The following DHX33 variants were observed in gnomAD, a reference collection of about 807,000 sequenced individuals.
The protein encoded by DHX33 is ATP-dependent RNA helicase DHX33.
In DHX33, 42 loss-of-function variants were observed where a neutral mutation model predicts 72.5. That is an observed-to-expected ratio of 0.58 (90% confidence interval 0.45 to 0.75). The LOEUF (loss-of-function observed/expected upper bound fraction) is 0.75. Among genes scored for constraint, DHX33 ranks in the 30% least tolerant of loss-of-function variants. The probability of loss-of-function intolerance (pLI) is 0.00; values close to 1 mark genes in which losing one functional copy is unlikely to be tolerated. For missense variants in DHX33, 842 were observed against 917.5 expected (o/e 0.92, Z 1.06); for synonymous variants, 358 against 366.1 (o/e 0.98, Z 0.25).
chr17:5,455,928 T>A, intron 5 of DHX33, 69 bp downstream of exon 5: 1 of 1,510,728 alleles, frequency 6.6e-7, no homozygotes, highest in Non-Finnish European at 9.0e-7. Flanking sequence ...TGGTAACAGG[T>A]ACAGACCTCG....
rs143514102 is a variant in DHX33 at position 5,443,669 on chromosome 17, A to G, written c.*536T>C. On this transcript the variant is annotated 3_prime_UTR_variant, in exon 12 of 12. Transcript: ENST00000225296. ...CTATTTTAAAACTGCATTCAGAGAGACATTAAACAAGAACTAAGGGCAACA... is the reference window on the plus strand; with the variant it reads ...CTATTTTAAAACTGCATTCAGAGAGGCATTAAACAAGAACTAAGGGCAACA... 508 of 152,980 alleles carry G rather than the reference A, an allele frequency of 3.3e-3. 2 individuals are homozygous for G. The highest frequency in any genetic ancestry group is 4.1e-3 in the Non-Finnish European group (280 of 68,540). 9.5% of individuals were successfully genotyped at this position (152,980 alleles called of 1,614,324 possible). A position where few individuals can be genotyped will look rare whatever the true frequency, so the allele number is the denominator to read the frequency against.
At chr17:5,453,056 C>G (rs16954692) in intron 8 of DHX33, among the ~76,000 whole-genome samples, 21,826 of 152,152 alleles carry the variant, frequency 0.14, 2,816 homozygotes, top group East Asian at 0.65. Context: ...TACTAATGAA[C>G]AGGAGAGATG....
In DHX33 at chr17:5,450,244, G is replaced by A; in HGVS notation, c.1687C>T (p.Leu563Phe). The A allele has an allele frequency of 6.2e-7, 1 of 1,614,196 alleles. No individual in the cohort carries two copies. Among genetic ancestry groups the A allele is most frequent in the Non-Finnish European group, 8.5e-7 (1 of 1,180,026 alleles). The change falls in exon 10 of 12, where the codon CTC becomes TTC. Residue 563 changes from leucine (L) to phenylalanine (F), a missense_variant. Physicochemically the swap from Leu to Phe is conservative, Grantham distance 22. Coordinates refer to ENST00000225296, the MANE Select transcript of DHX33 (RefSeq NM_020162.4). ...TTTTTGAAGGTCCGATAGATATTGAGCAGGGTCATGTGATCCCCCTCGCTG... is the reference window on the plus strand; with the variant it reads ...TTTTTGAAGGTCCGATAGATATTGAACAGGGTCATGTGATCCCCCTCGCTG... ...ISSEGDHMTL[L>F]NIYRTFKNLG... is the part of the protein sequence containing the mutation.
chr17:5,455,377 G>A, intron 5 of DHX33, 106 bp from the exon 6 acceptor site: 9 of 899,378 alleles, frequency 1.0e-5, no homozygotes, highest in Non-Finnish European at 1.8e-6. Flanking sequence ...TTGACCAACA[G>A]AAGATGACTC....
At chr17:5,445,537 C>CT (rs1222874218) in intron 11 of DHX33, among the ~76,000 whole-genome samples, 2 of 152,254 alleles carry the variant, frequency 1.3e-5, no homozygotes, top group Non-Finnish European at 2.9e-5. Flanking sequence ...AGTCAATGTC[C>CT]TTGTTCTACT....
rs1916857342 is a variant in DHX33 at position 5,450,539 on chromosome 17, T to C, written c.1525-133A>G. ...AGGTATTTCTAAAACCATGGCGATG[T>C]ACATTAGTGTTATTTCACTCTTTAA... On this transcript the variant is annotated intron_variant, in intron 9 of 11. Transcript: ENST00000225296. 4.0e-6 allele frequency: 4 copies of C among 1,010,316 alleles called. No individual in the cohort carries two copies. The South Asian group carries it at 6.4e-5, about 16-fold the overall frequency. The allele number at this position is 1,010,316 out of a possible 1,614,324, so 62.6% of individuals were successfully genotyped here.
At chr17:5,460,207 G>T (rs1904520738) in intron 4 of DHX33, among the ~76,000 whole-genome samples, 1 of 151,704 alleles carries the variant, frequency 6.6e-6, no homozygotes, top group Non-Finnish European at 1.5e-5. Flanking sequence ...GTACAGACGA[G>T]GTTTCACCAT....
chr17:5,443,266 A>G lies in DHX33; in HGVS notation c.*939T>C, dbSNP rs1221273677. 2.2e-5 allele frequency: 3 copies of G among 136,282 alleles called. No individual in the cohort carries two copies. The allele number at this position is 136,282 out of a possible 1,614,324, so 8.4% of individuals were successfully genotyped here. On this transcript the variant is annotated 3_prime_UTR_variant, in exon 12 of 12. Coordinates refer to ENST00000225296, the MANE Select transcript of DHX33 (RefSeq NM_020162.4). ...CCCTCTGACCAGGGGACTGCCCGAA[A>G]AGAAACAGCTGAAATGGTACACAGT...
chr17:5,443,821 G>A lies in DHX33; in HGVS notation c.*384C>T, dbSNP rs1486221960. The A allele has an allele frequency of 1.9e-5, 3 of 159,890 alleles. No individual in the cohort carries two copies. Among genetic ancestry groups the A allele is most frequent in the Non-Finnish European group, 3.4e-5 (3 of 87,992 alleles). 9.9% of individuals were successfully genotyped at this position (159,890 alleles called of 1,614,324 possible). On this transcript the variant is annotated 3_prime_UTR_variant, in exon 12 of 12. Transcript: ENST00000225296. ...TCAGCCTAACGGCTCCCAACTCACT[G>A]TACGTGTGTCGTGCGTGCTCCAGGC...
intron 8 of DHX33, among the ~76,000 whole-genome samples, chr17:5,451,927 C>T (rs976736896): frequency 1.3e-5 from 2 of 152,048 alleles, no homozygotes; most frequent in Non-Finnish European, 2.9e-5. Flanking sequence ...GAATGAAAAC[C>T]GCTTACTCAA....
At position 5,443,561 on chromosome 17, in the gene DHX33, C is replaced by T. The variant is rs764074359; in HGVS notation, c.*644G>A. The stretch of plus-strand genomic sequence containing the variant: ...AGAGTGGTCCACCCTGAGACACAAG[C>T]GTTCAGTAGGGATCGCCATCCCAGG... On this transcript the variant is annotated 3_prime_UTR_variant, in exon 12 of 12. Coordinates refer to ENST00000225296, the MANE Select transcript of DHX33 (RefSeq NM_020162.4). The T allele has an allele frequency of 2.0e-5, 3 of 152,186 alleles. No homozygotes were observed. The highest frequency in any genetic ancestry group is 2.9e-5 in the Non-Finnish European group (2 of 68,142). The allele number at this position is 152,186 out of a possible 1,614,324, so 9.4% of individuals were successfully genotyped here.
Position 5,448,858 on chromosome 17 carries a change from A to G in DHX33, c.1766T>C (p.Met589Thr). 3.7e-6 allele frequency: 6 copies of G among 1,613,522 alleles called. No individual in the cohort carries two copies. Among genetic ancestry groups the G allele is most frequent in the Non-Finnish European group, 5.1e-6 (6 of 1,179,776 alleles). ...TGCTCTGACTTCTGCTACCAGCGTCATATTCTTGCTGTTGACAAAATTCTC... is the reference window on the plus strand; with the variant it reads ...TGCTCTGACTTCTGCTACCAGCGTCGTATTCTTGCTGTTGACAAAATTCTC... ...CKENFVNSKN[M>T]TLVAEVRAQL... Residue 589 changes from methionine (M) to threonine (T), a missense_variant, in exon 11 of 12, where the codon ATG becomes ACG. By Grantham distance (81) the Met-to-Thr change is moderately conservative. Transcript: ENST00000225296.
In DHX33 at chr17:5,461,092, A is replaced by G. The variant is rs778026884; in HGVS notation, c.696T>C (p.Ala232=). The G allele has an allele frequency of 6.2e-7, 1 of 1,609,456 alleles. No individual in the cohort carries two copies. Among genetic ancestry groups the G allele is most frequent in the South Asian group, 1.1e-5 (1 of 90,814 alleles). ...GAGAGAACAGGTCCACATCCATCGT[A>G]GCTGACATCACAATCACCTGCATAA... ...KLPLKVIVMS[A]TMDVDLFSQY... Residue 232 remains alanine (A), a synonymous_variant, in exon 4 of 12, where the codon GCT becomes GCC. Coordinates refer to ENST00000225296, the MANE Select transcript of DHX33 (RefSeq NM_020162.4).
At chr17:5,464,721 T>TA (rs1414419527) in intron 1 of DHX33, among the ~76,000 whole-genome samples, 1 of 152,186 alleles carries the variant, frequency 6.6e-6, no homozygotes, top group Non-Finnish European at 1.5e-5. Context: ...ATACAACCGT[T>TA]ACATAGATTT....
chr17:5,455,147 T>G lies in DHX33; in HGVS notation c.1147+13A>C, dbSNP rs1917131752. On this transcript the variant is annotated intron_variant, in intron 6 of 11. Transcript: ENST00000225296. Reference sequence around the variant, plus strand: ...AGACACAGGAGAGACATTCATGAACTACAAATTCTCACCAGGGTTATACTT... The same window carrying G: ...AGACACAGGAGAGACATTCATGAACGACAAATTCTCACCAGGGTTATACTT... The G allele has an allele frequency of 1.2e-6, 2 of 1,604,994 alleles. No homozygotes were observed. Among genetic ancestry groups the G allele is most frequent in the Admixed American group, 3.3e-5 (2 of 59,970 alleles).
At chr17:5,455,840 G>A (rs556643161) in intron 5 of DHX33, among the ~76,000 whole-genome samples, 157 bp downstream of exon 5, 23 of 152,262 alleles carry the variant, frequency 1.5e-4, no homozygotes, top group Non-Finnish European at 2.8e-4. Context: ...GTGTGTCACC[G>A]CGCATTTTAT....
chr17:5,448,151 T>C (rs2151683121), intron 11 of DHX33, among the ~76,000 whole-genome samples: 1 of 152,134 alleles, frequency 6.6e-6, no homozygotes, highest in African/African-American at 2.4e-5. Flanking sequence ...GCCAAGATGG[T>C]ACCACTGCAC....
chr17:5,454,720 C>T (rs577772782), intron 6 of DHX33, among the ~76,000 whole-genome samples: 68 of 152,340 alleles, frequency 4.5e-4, no homozygotes, highest in African/African-American at 1.5e-3. Context: ...GTTAGCTTCT[C>T]ACTGCACCTT....
In DHX33 at chr17:5,453,676, GA is replaced by G. The variant is rs759803598; in HGVS notation, c.1308-9del. On this transcript the variant is annotated splice_polypyrimidine_tract_variant and intron_variant, in intron 7 of 11. Transcript: ENST00000225296. The stretch of plus-strand genomic sequence containing the variant: ...ACACTGGCCAGGTTACACCTGTGAA[GA>G]GCATGAGACCAGGGTCATGACCTGA... The G allele has an allele frequency of 1.9e-6, 3 of 1,614,084 alleles. No homozygotes were observed. In the East Asian group the frequency reaches 6.7e-5, roughly 36 times the overall value.
Sources: gnomAD v4.1 joint callset for allele counts (sites outside exome capture counted in the v4.1 genomes callset) on GRCh38, gnomAD v4.1.1 for gene constraint, MANE v1.5 for transcripts, NCBI Gene and HGNC (gene_info 2026-07-23, HGNC 2026-07-21) for gene names.